Variants in DNAAF2 observed in about 807,000 individuals in gnomAD.
The protein encoded by DNAAF2 is dynein axonemal assembly factor 2.
DNAAF2 carries 58 observed loss-of-function variants against 48.8 expected under a neutral mutation model. The observed-to-expected ratio is 1.19, with a 90% CI of 0.96 to 1.48. The LOEUF is 1.48. DNAAF2 is among the 40% of genes most tolerant of loss of function. The pLI, the probability that DNAAF2 is intolerant of heterozygous loss-of-function variation, is 0.00. For synonymous variants in DNAAF2, 567 were observed against 481.2 expected (o/e 1.18, Z -2.33); for missense variants, 1,241 against 1,116.1 (o/e 1.11, Z -1.59).
intron 1 of DNAAF2, chr14:49,629,608 C>T (rs1344638924): frequency 2.6e-5 from 4 of 151,750 alleles, no homozygotes; most frequent in African/African-American, 7.3e-5. Flanking sequence ...CACGTGAACC[C>T]GTGAGGCGGA....
At chr14:49,630,541 A>G (rs2139576815) in intron 1 of DNAAF2, among the ~76,000 whole-genome samples, 1 of 152,198 alleles carries the variant, frequency 6.6e-6, no homozygotes, top group East Asian at 1.9e-4. Flanking sequence ...ATTTGGTCCA[A>G]ATAGGTGGAA....
intron 1 of DNAAF2, among the ~76,000 whole-genome samples, chr14:49,632,421 A>C (rs1208475222): frequency 6.6e-6 from 1 of 151,336 alleles, no homozygotes; most frequent in African/African-American, 2.4e-5. Flanking sequence ...CGTAAGTTAA[A>C]GCCCAAAGTC....
At position 49,634,325 on chromosome 14, in the gene DNAAF2, G is replaced by A. The variant is rs769842038; in HGVS notation, c.825C>T (p.Ala275=). 4 of 1,611,766 alleles carry A rather than the reference G, an allele frequency of 2.5e-6. No individual in the cohort carries two copies. The highest frequency in any genetic ancestry group is 1.1e-5 in the South Asian group (1 of 91,072). ...CCAGCTCATGGGGCACGGGGCTCGG[G>A]GCTGAGTCCCTGGAGCAGCGGTAAT... ...LQDYRCSRDS[A]PSPVPHELVI... The change falls in exon 1 of 3, where the codon GCC becomes GCT. Residue 275 remains alanine, a synonymous_variant. Transcript: ENST00000298292.
At position 49,633,692 on chromosome 14, in the gene DNAAF2, C is replaced by T. The variant is rs778255864; in HGVS notation, c.1458G>A (p.Ala486=). Residue 486 remains alanine (A), a synonymous_variant, in exon 1 of 3, where the codon GCG becomes GCA. Coordinates refer to ENST00000298292, the MANE Select transcript of DNAAF2 (RefSeq NM_018139.3). ...GTGTTTCCACACTGCTATCTCCGCG[C>T]GCACTCTCTCTTCCCGCAGAAGAAC... ...AWGSSAGRES[A]RGDSSVETRE... is the part of the protein sequence containing the mutation. 5 of 1,604,890 alleles carry T rather than the reference C, an allele frequency of 3.1e-6. No homozygotes were observed. Among genetic ancestry groups the T allele is most frequent in the Admixed American group, 1.7e-5 (1 of 59,472 alleles).
At chr14:49,630,689 A>C (rs1361711362) in intron 1 of DNAAF2, among the ~76,000 whole-genome samples, 1 of 147,060 alleles carries the variant, frequency 6.8e-6, no homozygotes, top group East Asian at 1.9e-4. Flanking sequence ...ACACACACAC[A>C]CACACACACA....
intron 2 of DNAAF2, among the ~76,000 whole-genome samples, chr14:49,626,347 G>A (rs1372969929): frequency 1.3e-5 from 2 of 152,038 alleles, no homozygotes; most frequent in Non-Finnish European, 2.9e-5. Flanking sequence ...AATTAGCCGG[G>A]TGTGGTGGAG....
In DNAAF2 at chr14:49,633,509, A is replaced by G. The variant is rs745881317; in HGVS notation, c.1641T>C (p.Ser547=). The G allele has an allele frequency of 3.1e-6, 5 of 1,614,046 alleles. No individual in the cohort carries two copies. Among genetic ancestry groups the G allele is most frequent in the Middle Eastern group, 3.3e-4 (2 of 6,062 alleles). Residue 547 remains serine, a synonymous_variant, in exon 1 of 3, where the codon AGT becomes AGC. Transcript: ENST00000298292. ...AGAGGGGATTCAAATCTCCTTGAAG[A>G]CTTTGCGGCTGGATCCGAGGCACCT... The part of the protein sequence containing the change: ...LIQVPRIQPQ[S]LQGDLNPLWY...
rs147156953 is a variant in DNAAF2, at chr14:49,627,593, T to C, written c.2007+419A>G. Among the ~76,000 whole-genome samples, 1,025 of 152,216 alleles carry C rather than the reference T, an allele frequency of 6.7e-3. 6 individuals are homozygous for C. The highest frequency in any genetic ancestry group is 0.014 in the Middle Eastern group (4 of 294). On this transcript the variant is annotated intron_variant, in intron 2 of 2. Coordinates refer to ENST00000298292, the MANE Select transcript of DNAAF2 (RefSeq NM_018139.3). Reference sequence around the variant, plus strand: ...TTTCTTGGCTGGGCGCGGTGGCTCATGCCTGTAATCCTAGCACTTTGGGAG... The same window carrying C: ...TTTCTTGGCTGGGCGCGGTGGCTCACGCCTGTAATCCTAGCACTTTGGGAG...
At position 49,634,628 on chromosome 14, in the gene DNAAF2, C is replaced by G; in HGVS notation, c.522G>C (p.Lys174Asn). ...LDATALEAVE[K>N]QFGVKLDRRN... ...TGCGGTCCAGCTTCACGCCGAACTGCTTCTCGACGGCCTCCAGGGCCGTGG... is the reference window on the plus strand; with the variant it reads ...TGCGGTCCAGCTTCACGCCGAACTGGTTCTCGACGGCCTCCAGGGCCGTGG... Residue 174 changes from lysine to asparagine, a missense_variant, in exon 1 of 3, where the codon AAG becomes AAC. Lys to Asn is a moderately conservative substitution (Grantham distance 94). Coordinates refer to ENST00000298292, the MANE Select transcript of DNAAF2 (RefSeq NM_018139.3). 1 of 1,607,152 alleles carries G rather than the reference C, an allele frequency of 6.2e-7. No individual in the cohort carries two copies. Among genetic ancestry groups the G allele is most frequent in the South Asian group, 1.1e-5 (1 of 91,088 alleles).
intron 1 of DNAAF2, among the ~76,000 whole-genome samples, chr14:49,630,669 CCACACACACACACA>C (rs71441237): frequency 7.5e-6 from 1 of 132,486 alleles, no homozygotes; most frequent in Non-Finnish European, 1.6e-5. Context: ...AACTCTCTCT[CCACACACACACACA>C]CACACACACA....
rs371438934 is a variant in DNAAF2 at position 49,634,241 on chromosome 14, C to T, written c.909G>A (p.Thr303=). 13 of 1,612,292 alleles carry T rather than the reference C, an allele frequency of 8.1e-6. No homozygotes were observed. The highest frequency in any genetic ancestry group is 2.7e-5 in the African/African-American group (2 of 74,944). ...TCGAGTCGAGGCACAGCAGCTTTCTCGTTACCTCCAGCGCCGCCTGCTCGG... is the reference window on the plus strand; with the variant it reads ...TCGAGTCGAGGCACAGCAGCTTTCTTGTTACCTCCAGCGCCGCCTGCTCGG... ...RSAEQAALEV[T]RKLLCLDSRK... Residue 303 remains threonine (T), a synonymous_variant, in exon 1 of 3, where the codon ACG becomes ACA. Coordinates refer to ENST00000298292, the MANE Select transcript of DNAAF2 (RefSeq NM_018139.3).
At chr14:49,628,524 G>A (rs1883070230) in intron 1 of DNAAF2, among the ~76,000 whole-genome samples, 1 of 151,828 alleles carries the variant, frequency 6.6e-6, no homozygotes, top group Admixed American at 6.6e-5. Context: ...GTGCAATCTC[G>A]GCTCACTGCA....
intron 1 of DNAAF2, among the ~76,000 whole-genome samples, chr14:49,630,809 T>C (rs1883141985): frequency 6.6e-6 from 1 of 151,220 alleles, no homozygotes; most frequent in Non-Finnish European, 1.5e-5. Context: ...GGAGTACAAC[T>C]GCGTGATCTC....
rs753893107 is a variant in DNAAF2 at position 49,634,035 on chromosome 14, C to G, written c.1115G>C (p.Arg372Pro). The G allele has an allele frequency of 1.3e-6, 2 of 1,520,038 alleles. No individual in the cohort carries two copies. Among genetic ancestry groups the G allele is most frequent in the Non-Finnish European group, 1.8e-6 (2 of 1,139,038 alleles). The allele number at this position is 1,520,038 out of a possible 1,614,324, so 94.2% of individuals were successfully genotyped here. The change falls in exon 1 of 3, where the codon CGG becomes CCG. Residue 372 changes from arginine (R) to proline (P), a missense_variant. By Grantham distance (103) the Arg-to-Pro change is moderately radical. Transcript: ENST00000298292. ...AAAAPEESAD[R>P]SGTDGQACAS... The stretch of plus-strand genomic sequence containing the variant: ...GCAGGCCTGGCCGTCAGTTCCGGAC[C>G]GGTCCGCGGACTCTTCCGGCGCGGC...
intron 1 of DNAAF2, among the ~76,000 whole-genome samples, chr14:49,630,711 TACA>T (rs1208902492): frequency 8.3e-6 from 1 of 120,100 alleles, no homozygotes; most frequent in African/African-American, 3.0e-5. Context: ...ATAAACTCTC[TACA>T]CACACACACA....
In DNAAF2 at chr14:49,633,705, C is replaced by T. The variant is rs1427910863; in HGVS notation, c.1445G>A (p.Gly482Glu). 1.2e-6 allele frequency: 2 copies of T among 1,601,372 alleles called. No individual in the cohort carries two copies. The highest frequency in any genetic ancestry group is 2.7e-5 in the African/African-American group (2 of 74,546). ...SRSLAWGSSA[G>E]RESARGDSSV... ...GCTATCTCCGCGCGCACTCTCTCTT[C>T]CCGCAGAAGAACCCCACGCCAGGCT... is the stretch of plus-strand genomic sequence containing the variant. The change falls in exon 1 of 3, where the codon GGA (glycine) becomes GAA (glutamate). Residue 482 changes from glycine to glutamate, a missense_variant. Transcript: ENST00000298292.
intron 2 of DNAAF2, among the ~76,000 whole-genome samples, chr14:49,627,808 T>A (rs1883047883): frequency 6.6e-6 from 1 of 150,670 alleles, no homozygotes; most frequent in Admixed American, 6.7e-5. Flanking sequence ...TGAGATGAGA[T>A]CGCGCTACTG....
chr14:49,629,074 C>T (rs2139575284), intron 1 of DNAAF2, among the ~76,000 whole-genome samples: 1 of 150,798 alleles, frequency 6.6e-6, no homozygotes, highest in Non-Finnish European at 1.5e-5. Context: ...GTGATCCTCC[C>T]GCCTCAGCCT....
intron 1 of DNAAF2, among the ~76,000 whole-genome samples, chr14:49,632,917 T>G (rs1482406970): frequency 5.8e-3 from 1 of 172 alleles, no homozygotes; most frequent in Non-Finnish European, 0.033. Context: ...TTTAAGTTGT[T>G]TTTTTTTTTG....
Sources: gnomAD v4.1 joint callset for allele counts (sites outside exome capture counted in the v4.1 genomes callset) on GRCh38, gnomAD v4.1.1 for gene constraint, MANE v1.5 for transcripts, NCBI Gene and HGNC (gene_info 2026-07-23, HGNC 2026-07-21) for gene names.